The following PUM2 variants were observed in gnomAD, a reference collection of about 807,000 sequenced individuals.
PUM2 encodes pumilio homolog 2.
PUM2 carries 57 observed loss-of-function variants against 124.5 expected under a neutral mutation model. That is an observed-to-expected ratio of 0.46 (90% CI 0.37 to 0.57). The LOEUF (loss-of-function observed/expected upper bound fraction) is 0.57, where lower values mean the gene tolerates loss of function less well. Among genes scored for constraint, PUM2 ranks in the 20% least tolerant of loss-of-function variants. The pLI is 0.00. For synonymous variants in PUM2, 460 were observed against 446.1 expected (o/e 1.03, Z -0.39); for missense variants, 1,065 against 1,290.6 (o/e 0.83, Z 2.68).
intron 13 of PUM2, 106 bp from the exon 14 acceptor site, chr2:20,263,566 C>G: frequency 7.8e-7 from 1 of 1,289,042 alleles, no homozygotes; most frequent in South Asian, 1.5e-5. Flanking sequence ...TTTCCCCCCA[C>G]TAATTCCTAC....
chr2:20,329,372 C>T, intron 1 of PUM2, among the ~76,000 whole-genome samples: 1 of 141,020 alleles, frequency 7.1e-6, no homozygotes, highest in Admixed American at 7.5e-5. Context: ...GTGAAGGCTA[C>T]AATGAGCCAT....
chr2:20,332,382 A>G (rs1476183385), intron 1 of PUM2, among the ~76,000 whole-genome samples: 1 of 150,832 alleles, frequency 6.6e-6, no homozygotes, highest in African/African-American at 2.4e-5. Flanking sequence ...ATCTTTCAAT[A>G]ATCAGGGTAG....
At chr2:20,322,380 A>T (rs1682591587) in intron 2 of PUM2, among the ~76,000 whole-genome samples, 1 of 152,136 alleles carries the variant, frequency 6.6e-6, no homozygotes. Context: ...CCCAGGAGCT[A>T]GAGACCAGCC....
intron 13 of PUM2, 108 bp downstream of exon 13, chr2:20,278,475 T>C (rs913104765): frequency 3.3e-5 from 32 of 965,026 alleles, no homozygotes; most frequent in South Asian, 1.5e-4. Context: ...CAAAAGCAAT[T>C]TGGCATGTTT....
intron 1 of PUM2, among the ~76,000 whole-genome samples, chr2:20,344,842 G>T (rs1347538227): frequency 6.6e-6 from 1 of 151,766 alleles, no homozygotes; most frequent in African/African-American, 2.4e-5. Context: ...AAATAGCAGG[G>T]CTTCGTGGCG....
intron 8 of PUM2, among the ~76,000 whole-genome samples, chr2:20,295,780 T>C (rs776598284): frequency 1.3e-5 from 2 of 152,238 alleles, no homozygotes; most frequent in Admixed American, 6.5e-5. Context: ...GAAATTATTA[T>C]ATTTTGGATA....
chr2:20,265,610 T>G (rs752961018), intron 13 of PUM2, among the ~76,000 whole-genome samples: 5 of 152,228 alleles, frequency 3.3e-5, no homozygotes, highest in Non-Finnish European at 5.9e-5. Context: ...TTTTTCTTAA[T>G]CAGCTGAATT....
At chr2:20,262,280 A>T (rs1210602131) in intron 14 of PUM2, among the ~76,000 whole-genome samples, 1 of 152,232 alleles carries the variant, frequency 6.6e-6, no homozygotes, top group Admixed American at 6.5e-5. Flanking sequence ...TGCAAGCTCC[A>T]TTCACATTAA....
At chr2:20,272,660 A>AT (rs1039520461) in intron 13 of PUM2, among the ~76,000 whole-genome samples, 5 of 152,020 alleles carry the variant, frequency 3.3e-5, no homozygotes, top group Non-Finnish European at 5.9e-5. Context: ...CTGCTTTTCC[A>AT]TTTTCATTTT....
At chr2:20,334,128 T>A (rs983719899) in intron 1 of PUM2, among the ~76,000 whole-genome samples, 2 of 152,010 alleles carry the variant, frequency 1.3e-5, no homozygotes, top group African/African-American at 4.8e-5. Context: ...TTTAAATACA[T>A]CCTGTTTCTA....
chr2:20,314,388 T>A (rs1680378897), intron 3 of PUM2, among the ~76,000 whole-genome samples: 1 of 152,218 alleles, frequency 6.6e-6, no homozygotes, highest in Non-Finnish European at 1.5e-5. Flanking sequence ...AAATTATTCA[T>A]TTGATATATT....
intron 10 of PUM2, among the ~76,000 whole-genome samples, chr2:20,288,774 A>G (rs1673311839): frequency 6.6e-6 from 1 of 152,226 alleles, no homozygotes; most frequent in Admixed American, 6.5e-5. Flanking sequence ...AACTATTTGG[A>G]TATGGAAAAT....
At chr2:20,276,237 G>GC (rs1233747968) in intron 13 of PUM2, among the ~76,000 whole-genome samples, 1 of 147,940 alleles carries the variant, frequency 6.8e-6, no homozygotes, top group Non-Finnish European at 1.5e-5. Flanking sequence ...TTGGTTATAA[G>GC]CCTATCTTAA....
At position 20,315,566 on chromosome 2, in the gene PUM2, A is replaced by T. The variant is rs114259999; in HGVS notation, c.160+2971T>A. 8.9e-3 allele frequency among the ~76,000 whole-genome samples: 1,359 copies of T among 152,290 alleles called. 9 individuals are homozygous for T. Among genetic ancestry groups the T allele is most frequent in the Non-Finnish European group, 0.014 (950 of 68,030 alleles). ...AGTTGGGAGATGAGTGGTACAAAAA[A>T]TTGACTGAAATAATAAATTTCACGG... On this transcript the variant is annotated intron_variant, in intron 3 of 20. Transcript: ENST00000361078.
Position 20,260,538 on chromosome 2 carries a change from C to A in PUM2, c.2226-72G>T, listed in dbSNP as rs1445596699. Reference sequence around the variant, plus strand: ...TTGAGTATTACACCCTACCCTTCCACATATATGCACTGCAAGTTATTTCCA... The same window carrying A: ...TTGAGTATTACACCCTACCCTTCCAAATATATGCACTGCAAGTTATTTCCA... On this transcript the variant is annotated intron_variant, in intron 14 of 20. Transcript: ENST00000361078. 11 of 1,281,248 alleles carry A rather than the reference C, an allele frequency of 8.6e-6. No individual in the cohort carries two copies. The South Asian group carries it at 1.3e-4, about 16-fold the overall frequency. The allele number at this position is 1,281,248 out of a possible 1,614,324, so 79.4% of individuals were successfully genotyped here. A position where few individuals can be genotyped will look rare whatever the true frequency, so the allele number is the denominator to read the frequency against.
At chr2:20,307,035 T>TA (rs1678498517) in intron 7 of PUM2, among the ~76,000 whole-genome samples, 1 of 151,650 alleles carries the variant, frequency 6.6e-6, no homozygotes, top group Non-Finnish European at 1.5e-5. Context: ...GCCAACATGG[T>TA]AAAACCCCCG....
intron 13 of PUM2, among the ~76,000 whole-genome samples, chr2:20,271,213 T>C (rs373010342): frequency 6.6e-6 from 1 of 152,164 alleles, no homozygotes; most frequent in East Asian, 1.9e-4. Context: ...AATAAAACTA[T>C]AGAAAAGATA....
At chr2:20,297,509 C>T in intron 8 of PUM2, 44 bp downstream of exon 8, 2 of 1,463,268 alleles carry the variant, frequency 1.4e-6, no homozygotes, top group East Asian at 2.5e-5. Flanking sequence ...AAACTAAATA[C>T]ATTAAAAAGC....
At chr2:20,331,783 C>G (rs139149929) in intron 1 of PUM2, 2 of 152,052 alleles carry the variant, frequency 1.3e-5, no homozygotes, top group African/African-American at 4.8e-5. Context: ...GTTAAAGAAC[C>G]TCTGGATAAT....
Sources: allele counts gnomAD v4.1 joint callset (sites outside exome capture counted in the v4.1 genomes callset), GRCh38; gene constraint gnomAD v4.1.1; transcripts MANE v1.5; gene names NCBI Gene and HGNC (gene_info 2026-07-23, HGNC 2026-07-21).